ZNF385D: variants seen among roughly 807,000 people sequenced by gnomAD.
The protein encoded by ZNF385D is zinc finger protein 659.
In ZNF385D, 15 loss-of-function variants were observed where a neutral mutation model predicts 35.8. The observed-to-expected ratio is 0.42, with a 90% CI of 0.28 to 0.64. ZNF385D has a LOEUF of 0.64. ZNF385D is among the 30% of genes least tolerant of loss of function. ZNF385D has a pLI of 0.23. For missense variants in ZNF385D, 474 were observed against 494.6 expected (o/e 0.96, Z 0.39); for synonymous variants, 212 against 186.8 (o/e 1.13, Z -1.10).
chr3:21,800,848 T>C (rs1370722029), intron 3 of ZNF385D, among the ~76,000 whole-genome samples: 2 of 152,144 alleles, frequency 1.3e-5, no homozygotes, highest in Admixed American at 6.5e-5. Context: ...TTTTTCAATT[T>C]GTATACTTTT....
intron 2 of ZNF385D, among the ~76,000 whole-genome samples, chr3:22,313,536 T>G (rs1330742117): frequency 1.3e-5 from 2 of 149,858 alleles, no homozygotes; most frequent in African/African-American, 2.5e-5. Context: ...GATGTCACAT[T>G]TAACATGTTT....
At chr3:21,780,247 A>T (rs375157566) in intron 3 of ZNF385D, among the ~76,000 whole-genome samples, 3 of 152,106 alleles carry the variant, frequency 2.0e-5, no homozygotes, top group South Asian at 4.1e-4. Flanking sequence ...TAACAATCCT[A>T]TGAGACGAGT....
Position 22,040,332 on chromosome 3 carries a change from A to C in ZNF385D, c.325+128485T>G, listed in dbSNP as rs1339287312. On this transcript the variant is annotated intron_variant, in intron 3 of 5. Transcript: ENST00000494108. ...CACATTTAATTCTTACTACACTTTA[A>C]GGAAGGTTTGGTTATTACGTCATTT... 2.6e-5 allele frequency among the ~76,000 whole-genome samples: 4 copies of C among 152,282 alleles called. No individual in the cohort carries two copies. The East Asian group carries it at 7.7e-4, about 29-fold the overall frequency.
intron 2 of ZNF385D, among the ~76,000 whole-genome samples, chr3:22,211,507 G>A (rs150053709): frequency 1.3e-5 from 2 of 152,060 alleles, no homozygotes; most frequent in East Asian, 3.9e-4. Flanking sequence ...TTGGAATTTA[G>A]TTTCAGAGAC....
intron 4 of ZNF385D, among the ~76,000 whole-genome samples, chr3:21,488,250 A>G (rs1363585959): frequency 6.6e-6 from 1 of 151,948 alleles, no homozygotes; most frequent in Admixed American, 6.6e-5. Flanking sequence ...CTAATCTTGC[A>G]GTAAAGGCAA....
intron 4 of ZNF385D, among the ~76,000 whole-genome samples, chr3:21,461,657 A>G (rs1703187191): frequency 6.6e-6 from 1 of 152,240 alleles, no homozygotes; most frequent in Non-Finnish European, 1.5e-5. Context: ...AATTCAAATT[A>G]TTCATGTTGG....
chr3:21,681,316 A>AAAAAAAAAAAAAAAAAAAAAAAAAAC (rs1334410224), intron 1 of ZNF385D, among the ~76,000 whole-genome samples: 5 of 141,780 alleles, frequency 3.5e-5, no homozygotes, highest in Non-Finnish European at 6.3e-5. Flanking sequence ...AAAAAAAAAA[A>AAAAAAAAAAAAAAAAAAAAAAAAAAC]AAAAAAAACC....
chr3:21,889,894 T>C (rs1698757941), intron 3 of ZNF385D, among the ~76,000 whole-genome samples: 1 of 152,150 alleles, frequency 6.6e-6, no homozygotes, highest in Non-Finnish European at 1.5e-5. Flanking sequence ...CTTCTAATAG[T>C]ACTTTGGCTT....
intron 2 of ZNF385D, among the ~76,000 whole-genome samples, chr3:21,600,341 AC>A (rs1310407166): frequency 1.3e-5 from 2 of 152,146 alleles, no homozygotes; most frequent in Admixed American, 1.3e-4. Context: ...CTGAATCAGG[AC>A]CCCTTTGTTG....
chr3:21,975,825 A>C (rs56343690), intron 3 of ZNF385D, among the ~76,000 whole-genome samples: 2 of 150,024 alleles, frequency 1.3e-5, no homozygotes, highest in African/African-American at 4.9e-5. Context: ...AAATAAAAAA[A>C]AAATTAAGTG....
intron 3 of ZNF385D, among the ~76,000 whole-genome samples, chr3:21,913,976 GCA>G (rs1700081761): frequency 6.6e-6 from 1 of 152,058 alleles, no homozygotes. Flanking sequence ...CATGCAGGGT[GCA>G]CAGATTTGCA....
intron 1 of ZNF385D, among the ~76,000 whole-genome samples, chr3:21,748,288 G>A (rs1251774888): frequency 1.3e-5 from 2 of 151,906 alleles, no homozygotes; most frequent in African/African-American, 4.8e-5. Context: ...CCACCAACTT[G>A]CACACACACA....
intron 3 of ZNF385D, among the ~76,000 whole-genome samples, chr3:21,964,753 A>G (rs1197468718): frequency 2.0e-5 from 3 of 151,854 alleles, no homozygotes; most frequent in African/African-American, 7.3e-5. Context: ...CGACCTCCCA[A>G]AGTGCTGGGA....
chr3:22,142,203 A>C (rs116673846), intron 3 of ZNF385D, among the ~76,000 whole-genome samples: 2,852 of 152,288 alleles, frequency 0.019, 35 homozygotes, highest in Non-Finnish European at 0.026. Flanking sequence ...TATTTTCTTC[A>C]GTATGTTCTT....
chr3:21,786,955 T>C (rs1246920742), intron 3 of ZNF385D, among the ~76,000 whole-genome samples: 2 of 152,136 alleles, frequency 1.3e-5, no homozygotes, highest in Non-Finnish European at 2.9e-5. Flanking sequence ...TTAAACCTAA[T>C]AAGAAAATAG....
intron 3 of ZNF385D, among the ~76,000 whole-genome samples, chr3:22,003,059 T>A (rs1695951217): frequency 6.6e-6 from 1 of 152,224 alleles, no homozygotes; most frequent in South Asian, 2.1e-4. Flanking sequence ...AGCATGGTAC[T>A]GGAAGTCCTA....
At chr3:21,953,898 A>G (rs1016578950) in intron 3 of ZNF385D, among the ~76,000 whole-genome samples, 7 of 152,090 alleles carry the variant, frequency 4.6e-5, no homozygotes, top group African/African-American at 1.7e-4. Flanking sequence ...TGTAGCCTGC[A>G]GCAAAGCACT....
intron 3 of ZNF385D, among the ~76,000 whole-genome samples, chr3:21,879,299 T>A (rs1698146741): frequency 6.6e-6 from 1 of 152,028 alleles, no homozygotes; most frequent in Non-Finnish European, 1.5e-5. Context: ...GTTGTCTAAG[T>A]GACAGACTGT....
At chr3:22,086,924 G>C (rs1448180627) in intron 3 of ZNF385D, among the ~76,000 whole-genome samples, 1 of 151,850 alleles carries the variant, frequency 6.6e-6, no homozygotes, top group Admixed American at 6.6e-5. Flanking sequence ...CACACACCAG[G>C]TCCTGTCGTG....
Sources: gnomAD v4.1 joint callset for allele counts (sites outside exome capture counted in the v4.1 genomes callset) on GRCh38, gnomAD v4.1.1 for gene constraint, MANE v1.5 for transcripts, NCBI Gene and HGNC (gene_info 2026-07-23, HGNC 2026-07-21) for gene names.